PLPP1: variants seen among roughly 807,000 people sequenced by gnomAD.
PLPP1 encodes the protein lipid phosphate phosphohydrolase 1a.
Under a neutral mutation model 31.2 loss-of-function variants are expected in PLPP1, and 24 were observed. The ratio of observed to expected loss-of-function variants is 0.77; its 90% CI spans 0.56 to 1.08. The LOEUF (loss-of-function observed/expected upper bound fraction) is 1.08, where lower values mean the gene tolerates loss of function less well. Ranked by LOEUF, PLPP1 falls within the 50% of genes least tolerant of loss-of-function variation. The probability of loss-of-function intolerance (pLI) is 0.00; values close to 1 mark genes in which losing one functional copy is unlikely to be tolerated. For missense variants in PLPP1, 319 were observed against 342.7 expected (o/e 0.93, Z 0.55); for synonymous variants, 146 against 126.3 (o/e 1.16, Z -1.05).
chr5:55,440,314 C>T (rs545285477), intron 4 of PLPP1, among the ~76,000 whole-genome samples: 307 of 152,260 alleles, frequency 2.0e-3, no homozygotes, highest in Non-Finnish European at 9.7e-4. Context: ...AGTCACAGGC[C>T]CATGCTCTGG....
At chr5:55,494,180 GA>G (rs35103247) in intron 1 of PLPP1, among the ~76,000 whole-genome samples, 3,838 of 138,598 alleles carry the variant, frequency 0.028, 54 homozygotes, top group Middle Eastern at 0.064. Context: ...TAACTTCCAG[GA>G]AAAAAAAAAA....
intron 4 of PLPP1, among the ~76,000 whole-genome samples, chr5:55,433,184 T>C (rs1267293153): frequency 6.7e-6 from 1 of 148,982 alleles, no homozygotes; most frequent in Non-Finnish European, 1.5e-5. Context: ...TTATCCAGGA[T>C]TGGTGGCATG....
chr5:55,515,758 CAATCTG>C (rs1753542811), intron 1 of PLPP1, among the ~76,000 whole-genome samples: 1 of 152,058 alleles, frequency 6.6e-6, no homozygotes, highest in African/African-American at 2.4e-5. Context: ...TCCCTCCAAC[CAATCTG>C]AAAAGTCAGT....
intron 1 of PLPP1, among the ~76,000 whole-genome samples, chr5:55,497,252 T>A (rs187632806): frequency 6.8e-5 from 10 of 147,146 alleles, no homozygotes; most frequent in East Asian, 1.9e-4. Context: ...CTCAAAGAAA[T>A]TTTTTTTTTA....
intron 1 of PLPP1, among the ~76,000 whole-genome samples, chr5:55,501,338 C>CA (rs1436573155): frequency 6.6e-6 from 1 of 151,624 alleles, no homozygotes; most frequent in Admixed American, 6.6e-5. Flanking sequence ...AACAAATAAA[C>CA]AAAAAAACAC....
At position 55,487,273 on chromosome 5, in the gene PLPP1, A is replaced by G. The variant is rs150753674; in HGVS notation, c.59-11823T>C. On this transcript the variant is annotated intron_variant, in intron 1 of 5. Coordinates refer to ENST00000307259, the MANE Select transcript of PLPP1 (RefSeq NM_003711.4). ...TTTATTGTTACTATCATTACTCTGA[A>G]AGTTTGTACATAAAAAGTCTTGCCT... 2.5e-3 allele frequency among the ~76,000 whole-genome samples: 387 copies of G among 152,224 alleles called. 1 individual carries two copies. The highest frequency in any genetic ancestry group is 8.7e-3 in the African/African-American group (361 of 41,552).
chr5:55,430,126 C>G (rs543441880), intron 4 of PLPP1, among the ~76,000 whole-genome samples: 1 of 152,286 alleles, frequency 6.6e-6, no homozygotes, highest in Admixed American at 6.5e-5. Flanking sequence ...GCCACCCAGC[C>G]CATCACGGTC....
At chr5:55,519,763 AAAAG>A (rs1262023369) in intron 1 of PLPP1, among the ~76,000 whole-genome samples, 81 of 152,080 alleles carry the variant, frequency 5.3e-4, no homozygotes, top group African/African-American at 1.9e-3. Context: ...AAAAAAAAGA[AAAAG>A]AAAAAAGTAT....
At chr5:55,519,409 C>T (rs1009596062) in intron 1 of PLPP1, among the ~76,000 whole-genome samples, 1 of 152,190 alleles carries the variant, frequency 6.6e-6, no homozygotes, top group African/African-American at 2.4e-5. Flanking sequence ...GCTAGTGATA[C>T]TTTCTAGATC....
chr5:55,449,166 T>C (rs1269711151), intron 3 of PLPP1, among the ~76,000 whole-genome samples: 2 of 152,208 alleles, frequency 1.3e-5, no homozygotes, highest in South Asian at 2.1e-4. Context: ...ATATTTTAAA[T>C]GTTACTTATT....
At chr5:55,497,418 TC>T (rs757003518) in intron 1 of PLPP1, among the ~76,000 whole-genome samples, 1,940 of 144,366 alleles carry the variant, frequency 0.013, 97 homozygotes, top group African/African-American at 0.039. Context: ...GCTAATTTTT[TC>T]TTTTTTTTTT....
At chr5:55,496,643 C>T (rs1165128581) in intron 1 of PLPP1, among the ~76,000 whole-genome samples, 1 of 152,176 alleles carries the variant, frequency 6.6e-6, no homozygotes, top group Non-Finnish European at 1.5e-5. Context: ...CCATCTGTTT[C>T]CTATCAGGGC....
chr5:55,491,783 AG>A (rs1752893416), intron 1 of PLPP1, among the ~76,000 whole-genome samples: 1 of 144,560 alleles, frequency 6.9e-6, no homozygotes, highest in Non-Finnish European at 1.5e-5. Context: ...GCTTGAACCC[AG>A]GGGACAGAGG....
chr5:55,503,276 T>C (rs1031225902), intron 1 of PLPP1, among the ~76,000 whole-genome samples: 2 of 152,206 alleles, frequency 1.3e-5, no homozygotes, highest in African/African-American at 4.8e-5. Context: ...GCTTATAACA[T>C]ATCATGTTCA....
chr5:55,436,351 G>A (rs3789191), intron 4 of PLPP1, among the ~76,000 whole-genome samples: 130,759 of 152,090 alleles, frequency 0.86, 56,605 homozygotes, highest in South Asian at 0.92. Context: ...TGCTGTTCTT[G>A]TGATAGTAAG....
intron 1 of PLPP1, among the ~76,000 whole-genome samples, chr5:55,528,333 T>C (rs10065909): frequency 0.88 from 133,232 of 152,222 alleles, 58,439 homozygotes; most frequent in South Asian, 0.92. Context: ...AAGACAAGGC[T>C]CTCGTCTTTG....
chr5:55,492,967 A>C (rs755311371), intron 1 of PLPP1, among the ~76,000 whole-genome samples: 5 of 152,034 alleles, frequency 3.3e-5, no homozygotes, highest in Non-Finnish European at 7.4e-5. Context: ...GAGAAGGGGA[A>C]CCTGTCCTTT....
intron 3 of PLPP1, among the ~76,000 whole-genome samples, chr5:55,455,468 C>A (rs1751986130): frequency 6.6e-6 from 1 of 152,058 alleles, no homozygotes; most frequent in Non-Finnish European, 1.5e-5. Flanking sequence ...GTGGCTACAC[C>A]AACAGCACCT....
chr5:55,425,682 TAGAA>T (rs1406453766), intron 5 of PLPP1, 177 bp downstream of exon 5: 2 of 541,128 alleles, frequency 3.7e-6, no homozygotes, highest in Non-Finnish European at 6.0e-6. Context: ...TACTAAGTTT[TAGAA>T]AGAGCAACCT....
Sources: allele counts gnomAD v4.1 joint callset (sites outside exome capture counted in the v4.1 genomes callset), GRCh38; gene constraint gnomAD v4.1.1; transcripts MANE v1.5; gene names NCBI Gene and HGNC (gene_info 2026-07-23, HGNC 2026-07-21).